The following MED1 variants were observed in gnomAD, a reference collection of about 807,000 sequenced individuals.
The protein encoded by MED1 is mediator of RNA polymerase II transcription subunit 1.
MED1 carries 17 observed loss-of-function variants against 121.3 expected under a neutral mutation model. The observed-to-expected ratio is 0.14, with a 90% CI of 0.10 to 0.21. The LOEUF (loss-of-function observed/expected upper bound fraction) is 0.21. MED1 is among the 10% of genes least tolerant of loss of function. The probability of loss-of-function intolerance (pLI) is 1.00; values close to 1 mark genes in which losing one functional copy is unlikely to be tolerated. For missense variants in MED1, 1,558 were observed against 1,919.4 expected (o/e 0.81, Z 3.52); for synonymous variants, 661 against 694.4 (o/e 0.95, Z 0.76).
intron 6 of MED1, among the ~76,000 whole-genome samples, chr17:39,436,369 G>GAAAA (rs10712248): frequency 8.7e-6 from 1 of 114,902 alleles, no homozygotes; most frequent in Admixed American, 9.3e-5. Context: ...TCAAAAAAAA[G>GAAAA]AAAAAAAAAA....
At chr17:39,450,812 A>C (rs2144782374) in intron 1 of MED1, among the ~76,000 whole-genome samples, 1 of 152,256 alleles carries the variant, frequency 6.6e-6, no homozygotes, top group East Asian at 1.9e-4. Context: ...AAAGTGCCCT[A>C]GTCGAGCATG....
Position 39,408,553 on chromosome 17 carries a change from G to T in MED1, c.3668C>A (p.Ser1223Tyr), listed in dbSNP as rs1157270638. 1.2e-6 allele frequency: 2 copies of T among 1,614,208 alleles called. No individual in the cohort carries two copies. The highest frequency in any genetic ancestry group is 1.7e-6 in the Non-Finnish European group (2 of 1,180,036). ...PGTPPSSKAK[S>Y]PISSGSGGSH... ...ACCACCAGAACCTGAACTGATAGGG[G>T]ACTTGGCTTTAGAGGATGGAGGAGT... The change falls in exon 17 of 17, where the codon TCC becomes TAC. Residue 1223 changes from serine to tyrosine, a missense_variant. This residue lies in a region of MED1 where 793 missense variants were observed against 898.2 expected (regional missense o/e 0.88). Coordinates refer to ENST00000300651, the MANE Select transcript of MED1 (RefSeq NM_004774.4). The surrounding 1 kb of genome is among the most constrained non-coding windows in gnomAD (Gnocchi z 4.7).
intron 2 of MED1, among the ~76,000 whole-genome samples, chr17:39,447,408 A>C (rs150222627): frequency 2.0e-5 from 3 of 148,382 alleles, no homozygotes; most frequent in Non-Finnish European, 3.0e-5. Flanking sequence ...AAAAAAAAAC[A>C]AAAAAAAACT....
At chr17:39,432,975 T>C (rs1181318422) in intron 7 of MED1, among the ~76,000 whole-genome samples, 1 of 151,534 alleles carries the variant, frequency 6.6e-6, no homozygotes, top group African/African-American at 2.4e-5. Flanking sequence ...TGGGAGGCCA[T>C]GGCGGGTGGA....
intron 13 of MED1, 37 bp downstream of exon 13, chr17:39,423,290 A>C (rs2048484736): frequency 6.9e-7 from 1 of 1,453,208 alleles, no homozygotes; most frequent in Admixed American, 1.7e-5. Flanking sequence ...GTCCAAACAT[A>C]ACCTACAACA....
intron 13 of MED1, among the ~76,000 whole-genome samples, chr17:39,421,062 C>G (rs980792822): frequency 4.6e-5 from 7 of 151,476 alleles, no homozygotes; most frequent in South Asian, 2.1e-4. Context: ...TCCCAAAGTG[C>G]TAGGATTACA....
chr17:39,410,291 T>C lies in MED1; in HGVS notation c.1930A>G (p.Met644Val), dbSNP rs1267005558. 6.2e-7 allele frequency: 1 copy of C among 1,613,740 alleles called. No individual in the cohort carries two copies. Among genetic ancestry groups the C allele is most frequent in the Non-Finnish European group, 8.5e-7 (1 of 1,179,980 alleles). Residue 644 changes from methionine to valine, a missense_variant, in exon 17 of 17, where the codon ATG (methionine) becomes GTG (valine). Physicochemically the swap from Met to Val is conservative, Grantham distance 21. This residue lies in a region of MED1 where 793 missense variants were observed against 898.2 expected (regional missense o/e 0.88). Coordinates refer to ENST00000300651, the MANE Select transcript of MED1 (RefSeq NM_004774.4). ...TTATCTTTAAGAAGGTTCATGAGCA[T>C]CGGGTGGTTCTTGGTGTTGCCGGCC... The part of the protein sequence containing the change: ...SMAGNTKNHP[M>V]LMNLLKDNPA...
rs1321665137 is a variant in MED1, at chr17:39,447,793, C to T, written c.132+5G>A. 6.2e-7 allele frequency: 1 copy of T among 1,604,152 alleles called. No individual in the cohort carries two copies. Among genetic ancestry groups the T allele is most frequent in the Non-Finnish European group, 8.5e-7 (1 of 1,172,216 alleles). On this transcript the variant is annotated splice_donor_5th_base_variant and intron_variant, in intron 2 of 16. Transcript: ENST00000300651. ...ACACTTTACCCACTTCACCACAATC[C>T]TTACCATGACTTGACGCACAAGCTT...
chr17:39,415,304 G>A lies in MED1; in HGVS notation c.1333C>T (p.Leu445Phe). The change falls in exon 15 of 17, where the codon CTC becomes TTC. Residue 445 changes from leucine (L) to phenylalanine (F), a missense_variant. Physicochemically the swap from Leu to Phe is conservative, Grantham distance 22 (BLOSUM62 0). Around this residue, in one of 5 missense-constraint regions of MED1, gnomAD observed 443 missense variants for 532.4 expected, o/e 0.83. Coordinates refer to ENST00000300651, the MANE Select transcript of MED1 (RefSeq NM_004774.4). ...GATACGCTGAAACGAGACTCTGAGA[G>A]AGGACACACTTCAAATTGGAGAAGC... ...PGLLQFEVCPLSESRFSVSFQ... is the reference protein window; with the variant it reads ...PGLLQFEVCPFSESRFSVSFQ... 6.2e-7 allele frequency: 1 copy of A among 1,613,712 alleles called. No homozygotes were observed.
chr17:39,410,293 G>C lies in MED1; in HGVS notation c.1928C>G (p.Pro643Arg). Reference sequence around the variant, plus strand: ...ATCTTTAAGAAGGTTCATGAGCATCGGGTGGTTCTTGGTGTTGCCGGCCAT... The same window carrying C: ...ATCTTTAAGAAGGTTCATGAGCATCCGGTGGTTCTTGGTGTTGCCGGCCAT... The part of the protein sequence containing the change: ...SSMAGNTKNH[P>R]MLMNLLKDNP... The change falls in exon 17 of 17, where the codon CCG becomes CGG. Residue 643 changes from proline to arginine, a missense_variant. Coordinates refer to ENST00000300651, the MANE Select transcript of MED1 (RefSeq NM_004774.4). 1 of 1,613,926 alleles carries C rather than the reference G, an allele frequency of 6.2e-7. No homozygotes were observed. Among genetic ancestry groups the C allele is most frequent in the East Asian group, 2.2e-5 (1 of 44,884 alleles).
rs777614598 is a variant in MED1, at chr17:39,408,271, C to A, written c.3950G>T (p.Ser1317Ile). 1.2e-6 allele frequency: 2 copies of A among 1,614,158 alleles called. No individual in the cohort carries two copies. The highest frequency in any genetic ancestry group is 2.2e-5 in the South Asian group (2 of 91,090). ...IDKLKHGVVT[S>I]GPGGEDPLDG... ...CAGTGGGTCTTCACCCCCAGGGCCA[C>A]TGGTGACAACCCCATGCTTCAGTTT... The change falls in exon 17 of 17, where the codon AGT (serine) becomes ATT (isoleucine). Residue 1317 changes from serine (S) to isoleucine (I), a missense_variant. Coordinates refer to ENST00000300651, the MANE Select transcript of MED1 (RefSeq NM_004774.4). This position sits in a 1 kb window ranked among gnomAD's most constrained non-coding sequence, Gnocchi z 4.7.
Position 39,407,922 on chromosome 17 carries a change from A to G in MED1, c.4299T>C (p.Ser1433=). The G allele has an allele frequency of 6.2e-7, 1 of 1,614,122 alleles. No homozygotes were observed. ...TTGGAGTGGAACCACTGATGAGTGG[A>G]GAGCCATAGTTTTTAGAAGAAGCCA... ...PQMASSKNYG[S]PLISGSTPKH... The change falls in exon 17 of 17, where the codon TCT becomes TCC. Residue 1433 remains serine, a synonymous_variant. Transcript: ENST00000300651.
rs551699642 is a variant in MED1, at chr17:39,418,525, C to T, written c.1297+1192G>A. Among the ~76,000 whole-genome samples, 154 of 151,352 alleles carry T rather than the reference C, an allele frequency of 1.0e-3. 2 individuals are homozygous for T. Among genetic ancestry groups the T allele is most frequent in the African/African-American group, 3.6e-3 (148 of 41,284 alleles). On this transcript the variant is annotated intron_variant, in intron 14 of 16. Coordinates refer to ENST00000300651, the MANE Select transcript of MED1 (RefSeq NM_004774.4). ...TTCAGTCTGGGCAACAGAGTGAGAC[C>T]CTGTCTCAAAAAAAAAAAAGCCTCT...
intron 13 of MED1, among the ~76,000 whole-genome samples, chr17:39,422,695 C>G (rs1028209468): frequency 6.6e-6 from 1 of 151,202 alleles, no homozygotes; most frequent in African/African-American, 2.4e-5. Flanking sequence ...AGGCTGGTCT[C>G]AAACTCCTGA....
chr17:39,408,913 G>A lies in MED1; in HGVS notation c.3308C>T (p.Ser1103Phe), dbSNP rs1041278682. The change falls in exon 17 of 17, where the codon TCC (serine) becomes TTC (phenylalanine). Residue 1103 changes from serine to phenylalanine, a missense_variant. By Grantham distance (155) the Ser-to-Phe change is radical (BLOSUM62 -2). This residue lies in a region of MED1 where 793 missense variants were observed against 898.2 expected (regional missense o/e 0.88). Coordinates refer to ENST00000300651, the MANE Select transcript of MED1 (RefSeq NM_004774.4). The surrounding 1 kb of genome is among the most constrained non-coding windows in gnomAD (Gnocchi z 4.7). ...TGAGGTGGAAGCAGATGAGGAAGAG[G>A]AGGAAGAATGGCTATGGTGGCTTTT... ...GSKSHHSHSS[S>F]SSSSASTSGK... The A allele has an allele frequency of 1.4e-5, 22 of 1,614,156 alleles. 1 individual carries two copies. Among genetic ancestry groups the A allele is most frequent in the East Asian group, 8.9e-5 (4 of 44,886 alleles).
intron 1 of MED1, among the ~76,000 whole-genome samples, chr17:39,449,118 C>T (rs184368593): frequency 1.3e-5 from 2 of 152,082 alleles, no homozygotes; most frequent in Admixed American, 1.3e-4. Context: ...CTATTGCAGC[C>T]TCAACCTCCC....
intron 14 of MED1, among the ~76,000 whole-genome samples, chr17:39,417,843 G>A (rs564290875): frequency 2.4e-4 from 36 of 151,014 alleles, no homozygotes; most frequent in African/African-American, 3.4e-4. Flanking sequence ...CATTTACGCC[G>A]GGTGCCATGG....
At chr17:39,439,984 A>AGG (rs1296650928) in intron 5 of MED1, among the ~76,000 whole-genome samples, 2,876 of 132,260 alleles carry the variant, frequency 0.022, 46 homozygotes, top group African/African-American at 0.048. Context: ...GAAAGAAAGA[A>AGG]AGAAGGAAGG....
intron 13 of MED1, among the ~76,000 whole-genome samples, chr17:39,420,193 ATC>A (rs1487535684): frequency 3.4e-5 from 5 of 148,700 alleles, no homozygotes; most frequent in South Asian, 2.1e-4. Flanking sequence ...TAAATGCAAA[ATC>A]TCTTTTTTTT....
Sources: gnomAD v4.1 joint callset for allele counts (sites outside exome capture counted in the v4.1 genomes callset) on GRCh38, gnomAD v4.1.1 for gene constraint, gnomAD v4.1.1 regional missense constraint, Gnocchi (gnomAD v3.1) non-coding constraint, MANE v1.5 for transcripts, NCBI Gene and HGNC (gene_info 2026-07-23, HGNC 2026-07-21) for gene names.